The following DSCAML1 variants were observed in gnomAD, a reference collection of about 807,000 sequenced individuals.
DSCAML1 encodes the protein cell adhesion molecule DSCAML1.
DSCAML1 carries 38 observed loss-of-function variants against 200.5 expected under a neutral mutation model. That is an observed-to-expected ratio of 0.19 (90% CI 0.15 to 0.25). The LOEUF (loss-of-function observed/expected upper bound fraction) is 0.25. Ranked by LOEUF, DSCAML1 falls within the 10% of genes least tolerant of loss-of-function variation. The probability of loss-of-function intolerance (pLI) is 1.00; values close to 1 mark genes in which losing one functional copy is unlikely to be tolerated. For synonymous variants in DSCAML1, 1,215 were observed against 1,165.0 expected (o/e 1.04, Z -0.87); for missense variants, 2,223 against 2,858.8 (o/e 0.78, Z 5.07).
At chr11:117,517,494 A>C (rs2049795498) in intron 7 of DSCAML1, among the ~76,000 whole-genome samples, 1 of 152,160 alleles carries the variant, frequency 6.6e-6, no homozygotes, top group Admixed American at 6.5e-5. Flanking sequence ...CCAGGGCCCG[A>C]CTGGGAAATC....
chr11:117,807,854 A>G (rs936787498), intron 1 of DSCAML1, among the ~76,000 whole-genome samples: 2 of 152,172 alleles, frequency 1.3e-5, no homozygotes, highest in African/African-American at 4.8e-5. Context: ...GGAGCTTTGC[A>G]GTTTTCACCC....
intron 16 of DSCAML1, among the ~76,000 whole-genome samples, chr11:117,468,328 A>G (rs889173449): frequency 3.3e-5 from 5 of 152,132 alleles, no homozygotes; most frequent in African/African-American, 1.2e-4. Flanking sequence ...TCCCCTGAGA[A>G]GTCAGCCCAA....
intron 3 of DSCAML1, among the ~76,000 whole-genome samples, chr11:117,595,090 C>CACACACACACA (rs1416381581): frequency 4.4e-4 from 35 of 80,408 alleles, no homozygotes; most frequent in African/African-American, 2.5e-3. Flanking sequence ...ACACACACAC[C>CACACACACACA]CTTTGATATT....
chr11:117,603,646 C>A (rs764160593), intron 3 of DSCAML1, among the ~76,000 whole-genome samples: 1 of 152,182 alleles, frequency 6.6e-6, no homozygotes, highest in East Asian at 1.9e-4. Context: ...TAGCAGAATT[C>A]ATTCTGAAGG....
At chr11:117,439,517 G>T in intron 22 of DSCAML1, 88 bp from the exon 23 acceptor site, 3 of 1,509,446 alleles carry the variant, frequency 2.0e-6, no homozygotes, top group Non-Finnish European at 2.7e-6. Flanking sequence ...AAAGAGAGCT[G>T]GGGGTGGAAG....
intron 3 of DSCAML1, among the ~76,000 whole-genome samples, chr11:117,594,004 C>T (rs758000378): frequency 1.2e-4 from 19 of 152,194 alleles, no homozygotes; most frequent in Non-Finnish European, 2.8e-4. Context: ...TGAGCCACCA[C>T]ACTGGGCTGA....
chr11:117,723,193 G>A (rs1001544945), intron 3 of DSCAML1, among the ~76,000 whole-genome samples: 1 of 152,148 alleles, frequency 6.6e-6, no homozygotes, highest in African/African-American at 2.4e-5. Flanking sequence ...CTACTATACT[G>A]GTATTTATTA....
chr11:117,778,857 G>A (rs1427432189), intron 2 of DSCAML1, among the ~76,000 whole-genome samples: 4 of 152,186 alleles, frequency 2.6e-5, no homozygotes, highest in African/African-American at 4.8e-5. Flanking sequence ...GGGTTGAGCC[G>A]TGCAAAGCAC....
chr11:117,437,474 T>C lies in DSCAML1; in HGVS notation c.4433-65A>G. On this transcript the variant is annotated intron_variant, in intron 25 of 32. Coordinates refer to ENST00000651296, the MANE Select transcript of DSCAML1 (RefSeq NM_020693.4). The surrounding 1 kb of genome is among the most constrained non-coding windows in gnomAD (Gnocchi z 5.3). ...GGTGGGAGGCAGGACTGGACTGGGCTGGGCTGGAAAGGATTTCCCTGGGGC... is the reference window on the plus strand; with the variant it reads ...GGTGGGAGGCAGGACTGGACTGGGCCGGGCTGGAAAGGATTTCCCTGGGGC... 6.5e-7 allele frequency: 1 copy of C among 1,548,048 alleles called. No individual in the cohort carries two copies. Among genetic ancestry groups the C allele is most frequent in the Non-Finnish European group, 8.7e-7 (1 of 1,143,312 alleles).
chr11:117,465,918 T>C (rs1322706072), intron 16 of DSCAML1, among the ~76,000 whole-genome samples: 1 of 152,128 alleles, frequency 6.6e-6, no homozygotes, highest in Non-Finnish European at 1.5e-5. Flanking sequence ...TCACATCCAT[T>C]AGGACGGCTC....
At chr11:117,587,253 A>ACCC (rs111247541) in intron 3 of DSCAML1, among the ~76,000 whole-genome samples, 34,706 of 135,658 alleles carry the variant, frequency 0.26, 4,546 homozygotes, top group Middle Eastern at 0.3. Context: ...ATTCTTTCCA[A>ACCC]CCCCCCCCCA....
intron 3 of DSCAML1, among the ~76,000 whole-genome samples, chr11:117,607,453 G>A (rs2051590350): frequency 6.6e-6 from 1 of 152,218 alleles, no homozygotes; most frequent in Admixed American, 6.5e-5. Context: ...AGCAGAGACT[G>A]CCATGCACTG....
intron 3 of DSCAML1, among the ~76,000 whole-genome samples, chr11:117,665,670 C>T (rs570144508): frequency 2.6e-5 from 4 of 152,232 alleles, no homozygotes; most frequent in East Asian, 3.9e-4. Context: ...GATAGTAACT[C>T]GCCCACCATC....
chr11:117,503,656 G>A lies in DSCAML1; in HGVS notation c.2359+189C>T, dbSNP rs557053208. Among the ~76,000 whole-genome samples, 10 of 152,258 alleles carry A rather than the reference G, an allele frequency of 6.6e-5. No homozygotes were observed. The highest frequency in any genetic ancestry group is 1.9e-4 in the East Asian group (1 of 5,182). On this transcript the variant is annotated intron_variant, in intron 11 of 32. Coordinates refer to ENST00000651296, the MANE Select transcript of DSCAML1 (RefSeq NM_020693.4). The surrounding 1 kb of genome is among the most constrained non-coding windows in gnomAD (Gnocchi z 5.2). ...AGTTGGGGCCTCTCAGGGTGAGGCC[G>A]CTGTTTTAGATGACAGTGCTTTTGA...
intron 3 of DSCAML1, among the ~76,000 whole-genome samples, chr11:117,670,468 G>C (rs1171253970): frequency 1.3e-5 from 2 of 152,158 alleles, no homozygotes; most frequent in South Asian, 2.1e-4. Flanking sequence ...GGGTGGGCCA[G>C]GTGTGACATA....
At chr11:117,539,284 A>G (rs1198576347) in intron 3 of DSCAML1, among the ~76,000 whole-genome samples, 2 of 152,054 alleles carry the variant, frequency 1.3e-5, no homozygotes, top group Non-Finnish European at 2.9e-5. Flanking sequence ...GCTAATCACT[A>G]TTTCTACTAC....
intron 4 of DSCAML1, among the ~76,000 whole-genome samples, chr11:117,528,565 G>A (rs1328412713): frequency 6.6e-6 from 1 of 152,204 alleles, no homozygotes; most frequent in Non-Finnish European, 1.5e-5. Context: ...CCCTGGGGAG[G>A]CTGCTGGGAA....
In DSCAML1 at chr11:117,463,605, T is replaced by G. The variant is rs763748034; in HGVS notation, c.3265+1337A>C. On this transcript the variant is annotated intron_variant, in intron 17 of 32. Transcript: ENST00000651296. This position sits in a 1 kb window ranked among gnomAD's most constrained non-coding sequence, Gnocchi z 4.0. The stretch of plus-strand genomic sequence containing the variant: ...CTGGCACTAAGAGGAGACAAGCTGA[T>G]CTTCCTCAATCCAGCCAGGCCCGAG... Among the ~76,000 whole-genome samples, 8 of 152,180 alleles carry G rather than the reference T, an allele frequency of 5.3e-5. No homozygotes were observed. The highest frequency in any genetic ancestry group is 2.6e-4 in the Admixed American group (4 of 15,290).
At position 117,482,002 on chromosome 11, in the gene DSCAML1, G is replaced by A. The variant is rs1340433713; in HGVS notation, c.2520C>T (p.Ala840=). The change falls in exon 12 of 33, where the codon GCC becomes GCT. Residue 840 remains alanine (A), a synonymous_variant. Transcript: ENST00000651296. ...CGACCTCGTCGCCGTTGTCCTTGGT[G>A]GCGATGGCATACCGCATGACGCGGT... ...DPDRVMRYAI[A]TKDNGDEVVS... 1 of 1,614,066 alleles carries A rather than the reference G, an allele frequency of 6.2e-7. No homozygotes were observed. The highest frequency in any genetic ancestry group is 1.1e-5 in the South Asian group (1 of 91,096).
Sources: allele counts gnomAD v4.1 joint callset (sites outside exome capture counted in the v4.1 genomes callset), GRCh38; gene constraint gnomAD v4.1.1; non-coding constraint Gnocchi (gnomAD v3.1); transcripts MANE v1.5; gene names NCBI Gene and HGNC (gene_info 2026-07-23, HGNC 2026-07-21).